Variants in EPM2A observed in about 807,000 individuals in gnomAD.
EPM2A encodes EPM2A glucan phosphatase, laforin.
EPM2A carries 21 observed loss-of-function variants against 26.5 expected under a neutral mutation model. That is an observed-to-expected ratio of 0.79 (90% CI 0.56 to 1.14). EPM2A has a LOEUF of 1.14. Among genes scored for constraint, EPM2A ranks in the 50% most tolerant of loss-of-function variants. The pLI is 0.00. For synonymous variants in EPM2A, 217 were observed against 177.6 expected (o/e 1.22, Z -1.76); for missense variants, 458 against 440.8 (o/e 1.04, Z -0.35).
chr6:145,461,468 A>T (rs1779328208), intron 4 of EPM2A, among the ~76,000 whole-genome samples: 1 of 152,214 alleles, frequency 6.6e-6, no homozygotes, highest in South Asian at 2.1e-4. Context: ...GGAGAGACAC[A>T]ACCTGTTCTT....
At chr6:145,430,352 C>T (rs183996011) in intron 4 of EPM2A, among the ~76,000 whole-genome samples, 2 of 152,058 alleles carry the variant, frequency 1.3e-5, no homozygotes, top group African/African-American at 4.8e-5. Flanking sequence ...GTAACCCCAG[C>T]ACTTTGGGAG....
chr6:145,672,475 A>G (rs1779718634), intron 2 of EPM2A, among the ~76,000 whole-genome samples: 1 of 152,224 alleles, frequency 6.6e-6, no homozygotes, highest in South Asian at 2.1e-4. Flanking sequence ...CAATGATACT[A>G]CGGAATCTCC....
In EPM2A at chr6:145,695,257, TA is replaced by T. The variant is rs529471450; in HGVS notation, c.302-8962del. Among the ~76,000 whole-genome samples the T allele has an allele frequency of 1.4e-3, 207 of 152,082 alleles. 1 individual carries two copies. The highest frequency in any genetic ancestry group is 4.8e-3 in the African/African-American group (200 of 41,528). The stretch of plus-strand genomic sequence containing the variant: ...AGCCTGTTACAGGTAATGTTTTATG[TA>T]AACCTCATGGTAATTGCAAAGCAAA... On this transcript the variant is annotated intron_variant, in intron 1 of 3. Transcript: ENST00000367519.
intron 2 of EPM2A, among the ~76,000 whole-genome samples, chr6:145,607,558 T>A (rs569086923): frequency 4.4e-4 from 67 of 151,832 alleles, no homozygotes; most frequent in African/African-American, 1.6e-3. Flanking sequence ...ACAATGACAG[T>A]GGAAACTGGA....
At chr6:145,416,150 T>C (rs1407924457) in intron 4 of EPM2A, among the ~76,000 whole-genome samples, 2 of 152,076 alleles carry the variant, frequency 1.3e-5, no homozygotes, top group Non-Finnish European at 2.9e-5. Context: ...ACTCCCAGCT[T>C]AGAGCTCCTA....
At chr6:145,440,295 G>A (rs1233517737) in intron 4 of EPM2A, among the ~76,000 whole-genome samples, 1 of 152,162 alleles carries the variant, frequency 6.6e-6, no homozygotes, top group African/African-American at 2.4e-5. Flanking sequence ...TCACTACCAT[G>A]AGAACAGTAT....
At chr6:145,685,612 G>A (rs1444896753) in intron 2 of EPM2A, among the ~76,000 whole-genome samples, 1 of 152,116 alleles carries the variant, frequency 6.6e-6, no homozygotes, top group African/African-American at 2.4e-5. Flanking sequence ...TAAGCCTTAT[G>A]TTTTATTTAG....
At chr6:145,599,087 G>A (rs1314301335) in intron 2 of EPM2A, among the ~76,000 whole-genome samples, 4 of 152,002 alleles carry the variant, frequency 2.6e-5, no homozygotes, top group African/African-American at 9.7e-5. Flanking sequence ...TTGGCTATTC[G>A]GGCTATTTTT....
At chr6:145,662,955 A>G (rs1778837765) in intron 2 of EPM2A, among the ~76,000 whole-genome samples, 1 of 152,208 alleles carries the variant, frequency 6.6e-6, no homozygotes, top group Non-Finnish European at 1.5e-5. Flanking sequence ...GGAGAGGTCA[A>G]CATTTAAATA....
chr6:145,485,372 T>G (rs1328129329), intron 4 of EPM2A, among the ~76,000 whole-genome samples: 1 of 151,992 alleles, frequency 6.6e-6, no homozygotes, highest in African/African-American at 2.4e-5. Context: ...ATGAGATCAC[T>G]AGTGAAGTGG....
chr6:145,735,422 C>A lies in EPM2A; in HGVS notation c.77G>T (p.Arg26Leu), dbSNP rs796052433. Residue 26 changes from arginine to leucine, a missense_variant, in exon 1 of 4, where the codon CGG becomes CTG. Transcript: ENST00000367519. ...CGGCTCCCAACGCCCCAGCTCGGGC[C>A]GCGACCCCACCACCAGCAGCTCCGG... is the stretch of plus-strand genomic sequence containing the variant. ...ARPELLVVGS[R>L]PELGRWEPRG... 2.5e-5 allele frequency: 32 copies of A among 1,255,480 alleles called. 1 individual carries two copies. The highest frequency in any genetic ancestry group is 6.3e-5 in the Admixed American group (2 of 31,832). The allele number at this position is 1,255,480 out of a possible 1,614,324, so 77.8% of individuals were successfully genotyped here. A position where few individuals can be genotyped will look rare whatever the true frequency, so the allele number is the denominator to read the frequency against.
intron 3 of EPM2A, chr6:145,631,871 TCACACACACACACACACA>T (rs1554256529): frequency 1.4e-5 from 1 of 72,922 alleles, no homozygotes; most frequent in African/African-American, 3.8e-5. Context: ...TCTCTCTCTC[TCACACACACACACACACA>T]CACACACACA....
intron 4 of EPM2A, among the ~76,000 whole-genome samples, chr6:145,466,313 C>T (rs77685159): frequency 2.0e-5 from 3 of 151,580 alleles, no homozygotes; most frequent in African/African-American, 4.8e-5. Flanking sequence ...ACAAACAACC[C>T]CATCAAAAAG....
At chr6:145,708,608 C>T (rs1400358924) in intron 1 of EPM2A, among the ~76,000 whole-genome samples, 2 of 152,204 alleles carry the variant, frequency 1.3e-5, no homozygotes, top group Non-Finnish European at 2.9e-5. Flanking sequence ...TGGGAACCTC[C>T]ACCTAGATTT....
chr6:145,412,225 A>G (rs1465548530), intron 4 of EPM2A, among the ~76,000 whole-genome samples: 1 of 151,960 alleles, frequency 6.6e-6, no homozygotes, highest in Non-Finnish European at 1.5e-5. Flanking sequence ...AAAAAAAAAA[A>G]AAAAAAAATT....
chr6:145,439,480 A>T (rs1779033781), intron 4 of EPM2A, among the ~76,000 whole-genome samples: 1 of 151,956 alleles, frequency 6.6e-6, no homozygotes, highest in Non-Finnish European at 1.5e-5. Context: ...TGTTATTATT[A>T]TTTTTTTACT....
chr6:145,584,463 C>T (rs948486608), intron 2 of EPM2A, among the ~76,000 whole-genome samples: 2 of 152,190 alleles, frequency 1.3e-5, no homozygotes, highest in African/African-American at 4.8e-5. Context: ...GCTAACGCCA[C>T]ATAGGGGAGT....
In EPM2A at chr6:145,705,932, G is replaced by A. The variant is rs117584433; in HGVS notation, c.302-19636C>T. The A allele has an allele frequency of 4.4e-3, 2,020 of 456,892 alleles. 42 individuals carry two copies. The East Asian group carries it at 0.071, about 16-fold the overall frequency. 28.3% of individuals were successfully genotyped at this position (456,892 alleles called of 1,614,324 possible). ...AGGAAAGATGGTGCTGGGTAACATG[G>A]AAGAAAGAGATCAGATCTCTCTGTA... On this transcript the variant is annotated intron_variant, in intron 1 of 3. Transcript: ENST00000367519.
chr6:145,611,846 G>A (rs1408118662), intron 2 of EPM2A, among the ~76,000 whole-genome samples: 1 of 151,606 alleles, frequency 6.6e-6, no homozygotes, highest in Non-Finnish European at 1.5e-5. Context: ...TAGCCAAGTT[G>A]TTGAATTATC....
Sources: allele counts gnomAD v4.1 joint callset (sites outside exome capture counted in the v4.1 genomes callset), GRCh38; gene constraint gnomAD v4.1.1; transcripts MANE v1.5; gene names NCBI Gene and HGNC (gene_info 2026-07-23, HGNC 2026-07-21).